Variants in ANK3 observed in about 807,000 individuals in gnomAD.
The protein encoded by ANK3 is ankyrin-3.
In ANK3, 57 loss-of-function variants were observed where a neutral mutation model predicts 370.9. The ratio of observed to expected loss-of-function variants is 0.15; its 90% confidence interval spans 0.12 to 0.19. ANK3 has a LOEUF of 0.19. Among genes scored for constraint, ANK3 ranks in the 10% least tolerant of loss-of-function variants. The pLI is 1.00. For synonymous variants in ANK3, 1,929 were observed against 1,946.3 expected (o/e 0.99, Z 0.23); for missense variants, 4,439 against 5,302.1 (o/e 0.84, Z 5.06).
intron 1 of ANK3, among the ~76,000 whole-genome samples, chr10:60,639,007 T>C (rs780457155): frequency 1.7e-4 from 26 of 152,122 alleles, no homozygotes; most frequent in Non-Finnish European, 2.6e-4. Flanking sequence ...AAAAAGCCTA[T>C]AGATTTTAGA....
intron 1 of ANK3, among the ~76,000 whole-genome samples, chr10:60,663,341 G>C (rs2078958545): frequency 6.6e-6 from 1 of 152,168 alleles, no homozygotes; most frequent in Admixed American, 6.5e-5. Context: ...CTGGCTAATA[G>C]AAAGGGTCCC....
chr10:60,214,514 C>T (rs2096905006), intron 8 of ANK3, among the ~76,000 whole-genome samples: 1 of 152,034 alleles, frequency 6.6e-6, no homozygotes, highest in Admixed American at 6.6e-5. Context: ...CTCCCCTCAC[C>T]CCCCAGCCCC....
chr10:60,576,411 G>C (rs1159877213), intron 2 of ANK3, among the ~76,000 whole-genome samples: 2 of 152,168 alleles, frequency 1.3e-5, no homozygotes, highest in East Asian at 3.8e-4. Context: ...AGAAATAACA[G>C]GGTTGGGGTT....
intron 23 of ANK3, chr10:60,140,745 C>T: frequency 9.0e-7 from 1 of 1,105,534 alleles, no homozygotes; most frequent in Non-Finnish European, 1.1e-6. Context: ...AAATGCAAGC[C>T]CCTGAGTTAT....
At chr10:60,366,530 A>T (rs971310075) in intron 1 of ANK3, among the ~76,000 whole-genome samples, 2 of 151,920 alleles carry the variant, frequency 1.3e-5, no homozygotes, top group African/African-American at 4.8e-5. Flanking sequence ...ATGTGCCTGA[A>T]ATGGTTATTC....
At chr10:60,268,517 C>T (rs1454033909) in intron 5 of ANK3, among the ~76,000 whole-genome samples, 2 of 151,998 alleles carry the variant, frequency 1.3e-5, no homozygotes, top group Non-Finnish European at 2.9e-5. Context: ...TCTGAATAAA[C>T]AGGATTCTTA....
Position 60,070,698 on chromosome 10 carries a change from A to T in ANK3, c.10183T>A (p.Cys3395Ser). ...AACTCTGCTGTGGTGGCAATGGAAC[A>T]CTCTGTGATGGACTGGTCGTTGTTC... The part of the protein sequence containing the change: ...NGNNDQSITE[C>S]SIATTAEFSH... Residue 3395 changes from cysteine to serine, a missense_variant, in exon 37 of 44, where the codon TGT becomes AGT. Transcript: ENST00000280772. This position sits in a 1 kb window ranked among gnomAD's most constrained non-coding sequence, Gnocchi z 5.7. 1.2e-6 allele frequency: 2 copies of T among 1,614,050 alleles called. No individual in the cohort carries two copies. The highest frequency in any genetic ancestry group is 4.5e-5 in the East Asian group (2 of 44,862).
At chr10:60,047,820 C>A (rs927834719) in intron 42 of ANK3, among the ~76,000 whole-genome samples, 1 of 152,158 alleles carries the variant, frequency 6.6e-6, no homozygotes, top group African/African-American at 2.4e-5. Context: ...ATAAGGTAAA[C>A]TCACGACTGG....
intron 1 of ANK3, among the ~76,000 whole-genome samples, chr10:60,729,989 G>A (rs2132034257): frequency 6.6e-6 from 1 of 152,208 alleles, no homozygotes; most frequent in African/African-American, 2.4e-5. Context: ...CAAACCCTTT[G>A]GATGATTTTG....
chr10:60,657,274 A>C (rs1227175338), intron 1 of ANK3, among the ~76,000 whole-genome samples: 1 of 152,110 alleles, frequency 6.6e-6, no homozygotes, highest in Non-Finnish European at 1.5e-5. Flanking sequence ...AACACATGGG[A>C]ATTATTGGAA....
intron 1 of ANK3, among the ~76,000 whole-genome samples, chr10:60,720,574 T>C (rs1242220345): frequency 2.0e-5 from 3 of 152,170 alleles, no homozygotes; most frequent in African/African-American, 7.2e-5. Flanking sequence ...ATCTTATATA[T>C]CTATATCTGA....
At chr10:60,582,439 C>T (rs2077767992) in intron 2 of ANK3, among the ~76,000 whole-genome samples, 1 of 151,862 alleles carries the variant, frequency 6.6e-6, no homozygotes, top group Admixed American at 6.6e-5. Flanking sequence ...CAATGATGCC[C>T]TCATATAATT....
chr10:60,687,180 C>T (rs1451660174), intron 1 of ANK3, among the ~76,000 whole-genome samples: 2 of 152,136 alleles, frequency 1.3e-5, no homozygotes, highest in African/African-American at 4.8e-5. Flanking sequence ...CAGAACATAT[C>T]CCTGTCATTA....
intron 1 of ANK3, among the ~76,000 whole-genome samples, chr10:60,382,510 G>A (rs968465245): frequency 2.0e-5 from 3 of 151,962 alleles, no homozygotes; most frequent in Non-Finnish European, 4.4e-5. Context: ...AATAATGGAC[G>A]ATCCCATTTC....
chr10:60,619,880 T>A (rs1251079334), intron 1 of ANK3, among the ~76,000 whole-genome samples: 2 of 152,232 alleles, frequency 1.3e-5, no homozygotes, highest in East Asian at 3.9e-4. Context: ...GAAGCAATCA[T>A]GGTTCGTTTC....
intron 1 of ANK3, among the ~76,000 whole-genome samples, chr10:60,311,245 A>T (rs974333475): frequency 2.0e-5 from 3 of 152,184 alleles, no homozygotes; most frequent in African/African-American, 7.2e-5. Flanking sequence ...TGAATGAAGA[A>T]GCAAGGAATG....
chr10:60,166,541 G>C (rs1280006806), intron 23 of ANK3, 50 bp downstream of exon 23: 4 of 1,346,868 alleles, frequency 3.0e-6, no homozygotes, highest in Non-Finnish European at 4.2e-6. Context: ...AGAAATGAAA[G>C]ATAAAGTTGG....
At chr10:60,637,134 TTTAACC>T (rs1588952786) in intron 1 of ANK3, among the ~76,000 whole-genome samples, 1 of 152,230 alleles carries the variant, frequency 6.6e-6, no homozygotes, top group African/African-American at 2.4e-5. Context: ...TTTTTCTCTC[TTTAACC>T]TTATTAAAAC....
chr10:60,414,480 G>C (rs915207078), intron 2 of ANK3, among the ~76,000 whole-genome samples: 3 of 152,126 alleles, frequency 2.0e-5, no homozygotes, highest in Admixed American at 2.0e-4. Flanking sequence ...CCACAGTAAA[G>C]GACAAGCTTG....
Sources: allele counts gnomAD v4.1 joint callset (sites outside exome capture counted in the v4.1 genomes callset), GRCh38; gene constraint gnomAD v4.1.1; non-coding constraint Gnocchi (gnomAD v3.1); transcripts MANE v1.5; gene names NCBI Gene and HGNC (gene_info 2026-07-23, HGNC 2026-07-21).